Variants in DIP2C observed in about 807,000 individuals in gnomAD.
The protein encoded by DIP2C is DIP2 acetate--CoA ligase C (putative).
A neutral mutation model predicts 192.4 loss-of-function variants in DIP2C; 33 were observed. That is an observed-to-expected ratio of 0.17 (90% CI 0.13 to 0.23). DIP2C has a LOEUF of 0.23. Ranked by LOEUF, DIP2C falls within the 10% of genes least tolerant of loss-of-function variation. The probability of loss-of-function intolerance (pLI) is 1.00; values close to 1 mark genes in which losing one functional copy is unlikely to be tolerated. For missense variants in DIP2C, 1,537 were observed against 2,110.1 expected, an observed-to-expected ratio of 0.73 and a Z score of 5.32; for synonymous variants, 979 against 864.1, an observed-to-expected ratio of 1.13 and a Z score of -2.33.
chr10:634,399 G>C (rs1017782905), intron 1 of DIP2C, among the ~76,000 whole-genome samples: 4 of 152,236 alleles, frequency 2.6e-5, no homozygotes, highest in Non-Finnish European at 4.4e-5. Flanking sequence ...CATCAGCTCA[G>C]AGTTGGAAGT....
At chr10:443,406 G>C (rs1967905157) in intron 3 of DIP2C, among the ~76,000 whole-genome samples, 1 of 152,140 alleles carries the variant, frequency 6.6e-6, no homozygotes, top group Non-Finnish European at 1.5e-5. Context: ...TGCTCAATTG[G>C]TTCCAGATTT....
At chr10:409,083 CAA>C in intron 8 of DIP2C, 66 bp from the exon 9 acceptor site, 1 of 1,549,462 alleles carries the variant, frequency 6.5e-7, no homozygotes, top group South Asian at 1.2e-5. Context: ...TTCTGCAAGT[CAA>C]AGTCTAGGAC....
chr10:620,133 G>A (rs753570930), intron 1 of DIP2C, among the ~76,000 whole-genome samples: 34 of 152,190 alleles, frequency 2.2e-4, no homozygotes, highest in Non-Finnish European at 4.1e-4. Flanking sequence ...CGCCACAGCC[G>A]ATCTGGCTGG....
intron 31 of DIP2C, among the ~76,000 whole-genome samples, chr10:324,380 A>C (rs1957170737): frequency 6.6e-6 from 1 of 152,152 alleles, no homozygotes; most frequent in South Asian, 2.1e-4. Flanking sequence ...ATCACCTCTC[A>C]CAAAGCCAGA....
intron 34 of DIP2C, among the ~76,000 whole-genome samples, chr10:285,296 C>A (rs1398889399): frequency 6.6e-6 from 1 of 152,114 alleles, no homozygotes; most frequent in Non-Finnish European, 1.5e-5. Context: ...GCGTCCAGGG[C>A]TGAGGAGGAG....
intron 1 of DIP2C, among the ~76,000 whole-genome samples, chr10:649,315 C>T (rs1855711083): frequency 6.7e-6 from 1 of 149,632 alleles, no homozygotes; most frequent in South Asian, 2.1e-4. Context: ...GAAACTGAGT[C>T]CACGTCCACA....
At chr10:576,386 TCAGA>T (rs913093312) in intron 1 of DIP2C, among the ~76,000 whole-genome samples, 1 of 151,980 alleles carries the variant, frequency 6.6e-6, no homozygotes, top group Non-Finnish European at 1.5e-5. Flanking sequence ...GGTACAGGAG[TCAGA>T]CAGGCCTGGT....
chr10:389,965 C>A, intron 13 of DIP2C, 26 bp downstream of exon 13: 1 of 1,591,414 alleles, frequency 6.3e-7, no homozygotes, highest in South Asian at 1.1e-5. Context: ...ACCAGGGTCC[C>A]AAGGAGTCAG....
intron 6 of DIP2C, among the ~76,000 whole-genome samples, chr10:417,654 A>AAATAGGCCTC (rs1965757315): frequency 1.8e-4 from 2 of 11,022 alleles, no homozygotes; most frequent in Admixed American, 1.0e-3. Context: ...CTCCCTGTCC[A>AAATAGGCCTC]CCTGTTCCTG....
At chr10:596,312 C>T (rs1851694030) in intron 1 of DIP2C, among the ~76,000 whole-genome samples, 1 of 151,774 alleles carries the variant, frequency 6.6e-6, no homozygotes, top group South Asian at 2.1e-4. Flanking sequence ...GACTTTAAGA[C>T]CAGCCTGGCC....
intron 29 of DIP2C, among the ~76,000 whole-genome samples, chr10:333,511 A>C (rs1329428411): frequency 1.3e-5 from 2 of 152,174 alleles, no homozygotes; most frequent in East Asian, 3.9e-4. Context: ...AGCACCCACC[A>C]TGTGGACGTG....
chr10:356,983 C>T (rs1217266169), intron 23 of DIP2C, among the ~76,000 whole-genome samples: 1 of 152,198 alleles, frequency 6.6e-6, no homozygotes, highest in Non-Finnish European at 1.5e-5. Flanking sequence ...AATGGCAATA[C>T]CCTGATGGCA....
intron 35 of DIP2C, among the ~76,000 whole-genome samples, chr10:282,760 T>TA (rs1954901240): frequency 6.6e-6 from 1 of 152,258 alleles, no homozygotes; most frequent in South Asian, 2.1e-4. Flanking sequence ...CACCAGGCCC[T>TA]ACTCTCTGAT....
At chr10:467,790 C>G (rs1970341536) in intron 3 of DIP2C, among the ~76,000 whole-genome samples, 1 of 152,048 alleles carries the variant, frequency 6.6e-6, no homozygotes, top group Non-Finnish European at 1.5e-5. Flanking sequence ...ACATCACACA[C>G]TAGGGCCTGT....
chr10:453,993 TCA>T (rs1482513660), intron 3 of DIP2C, among the ~76,000 whole-genome samples: 8 of 152,198 alleles, frequency 5.3e-5, no homozygotes, highest in Admixed American at 3.3e-4. Flanking sequence ...CTGTCACACT[TCA>T]CAAACACAAC....
At chr10:671,542 C>T (rs1830641153) in intron 1 of DIP2C, among the ~76,000 whole-genome samples, 2 of 112,312 alleles carry the variant, frequency 1.8e-5, no homozygotes, top group Admixed American at 8.8e-5. Flanking sequence ...AAACAGGCCA[C>T]AGACGCACGG....
intron 1 of DIP2C, among the ~76,000 whole-genome samples, chr10:591,938 TGC>T (rs1445464038): frequency 2.6e-5 from 4 of 152,198 alleles, no homozygotes; most frequent in African/African-American, 4.8e-5. Context: ...AGTCTCCATG[TGC>T]TTTACATCTT....
At chr10:484,378 T>TC (rs1843841230) in intron 2 of DIP2C, among the ~76,000 whole-genome samples, 1 of 152,238 alleles carries the variant, frequency 6.6e-6, no homozygotes, top group South Asian at 2.1e-4. Flanking sequence ...TCAAAATCAC[T>TC]CCTTCTAGCA....
At chr10:494,066 C>T (rs1160139424) in intron 1 of DIP2C, among the ~76,000 whole-genome samples, 1 of 152,206 alleles carries the variant, frequency 6.6e-6, no homozygotes, top group Non-Finnish European at 1.5e-5. Context: ...CGCTGGACCA[C>T]CCCGAGGTGA....
Sources: gnomAD v4.1 joint callset for allele counts (sites outside exome capture counted in the v4.1 genomes callset) on GRCh38, gnomAD v4.1.1 for gene constraint, MANE v1.5 for transcripts, NCBI Gene and HGNC (gene_info 2026-07-23, HGNC 2026-07-21) for gene names.